Variants in DGKH observed in about 807,000 individuals in gnomAD.
The protein encoded by DGKH is diacylglycerol kinase eta, also known as DAG kinase eta.
DGKH carries 90 observed loss-of-function variants against 159.3 expected under a neutral mutation model. That is an observed-to-expected ratio of 0.57 (90% confidence interval 0.48 to 0.67). The LOEUF (loss-of-function observed/expected upper bound fraction) is 0.67, where lower values mean the gene tolerates loss of function less well. Ranked by LOEUF, DGKH falls within the 30% of genes least tolerant of loss-of-function variation. The probability of loss-of-function intolerance (pLI) is 0.00; values close to 1 mark genes in which losing one functional copy is unlikely to be tolerated. For synonymous variants in DGKH, 536 were observed against 553.8 expected, an observed-to-expected ratio of 0.97 and a Z score of 0.45; for missense variants, 1,181 against 1,506.1, an observed-to-expected ratio of 0.78 and a Z score of 3.57.
At chr13:42,227,091 C>A (rs1221921022) in intron 29 of DGKH, among the ~76,000 whole-genome samples, 1 of 152,066 alleles carries the variant, frequency 6.6e-6, no homozygotes, top group Non-Finnish European at 1.5e-5. Context: ...GAACAACATA[C>A]ACTGGGTCCT....
intron 1 of DGKH, among the ~76,000 whole-genome samples, chr13:42,073,793 A>C (rs1391619376): frequency 1.3e-5 from 2 of 152,228 alleles, no homozygotes; most frequent in African/African-American, 4.8e-5. Flanking sequence ...TCACAGAAAC[A>C]AACATAGCGG....
intron 1 of DGKH, among the ~76,000 whole-genome samples, chr13:42,096,151 A>G (rs1480342612): frequency 6.6e-6 from 1 of 151,868 alleles, no homozygotes; most frequent in Non-Finnish European, 1.5e-5. Context: ...TTACCCGGGT[A>G]TATTGTGGGA....
rs1022178309 is a variant in DGKH, at chr13:42,214,405, C to T, written c.3015-102C>T. The T allele has an allele frequency of 3.0e-5, 33 of 1,083,442 alleles. No individual in the cohort carries two copies. The African/African-American group carries it at 4.9e-4, about 16-fold the overall frequency. 67.1% of individuals were successfully genotyped at this position (1,083,442 alleles called of 1,614,324 possible). A position where few individuals can be genotyped will look rare whatever the true frequency, so the allele number is the denominator to read the frequency against. On this transcript the variant is annotated intron_variant, in intron 24 of 29. Coordinates refer to ENST00000337343, the MANE Select transcript of DGKH (RefSeq NM_178009.5). ...AAAAGTGTTCTTCCATACTGATCTTCATATATTTTTTACTTGTTTTATCCT... is the reference window on the plus strand; with the variant it reads ...AAAAGTGTTCTTCCATACTGATCTTTATATATTTTTTACTTGTTTTATCCT...
intron 1 of DGKH, among the ~76,000 whole-genome samples, chr13:42,043,049 C>A (rs1337372343): frequency 6.6e-6 from 1 of 152,134 alleles, no homozygotes; most frequent in African/African-American, 2.4e-5. Flanking sequence ...TGAAGGGACA[C>A]AAAATCCATC....
chr13:42,245,948 A>G (rs1302520038), downstream of DGKH, among the ~76,000 whole-genome samples: 2 of 152,168 alleles, frequency 1.3e-5, no homozygotes, highest in Non-Finnish European at 2.9e-5. Flanking sequence ...TTTATTTTAA[A>G]ATGCTAATTG....
At chr13:42,244,903 CAAAAAAAAAA>C (rs57184890), downstream of DGKH, among the ~76,000 whole-genome samples, 15 of 42,968 alleles carry the variant, frequency 3.5e-4, no homozygotes, top group East Asian at 5.5e-3. Context: ...GACTCCGTCT[CAAAAAAAAAA>C]AAAAAAAAAA....
At chr13:42,070,734 C>T (rs1882907090) in intron 1 of DGKH, 19 of 1,606,436 alleles carry the variant, frequency 1.2e-5, no homozygotes, top group Non-Finnish European at 1.5e-5. Context: ...AAGGGCCCTG[C>T]TCCAGCACTT....
intron 1 of DGKH, among the ~76,000 whole-genome samples, chr13:42,100,980 C>A (rs1049745197): frequency 6.6e-6 from 1 of 152,170 alleles, no homozygotes; most frequent in African/African-American, 2.4e-5. Context: ...CTGTAAGAAT[C>A]TTTTTTGCTC....
At chr13:42,247,872 T>G (rs901048516), downstream of DGKH, among the ~76,000 whole-genome samples, 1 of 152,228 alleles carries the variant, frequency 6.6e-6, no homozygotes, top group Non-Finnish European at 1.5e-5. Context: ...TTTGTATAAC[T>G]ATATGTTTGT....
intron 1 of DGKH, among the ~76,000 whole-genome samples, chr13:42,109,016 G>C (rs547518187): frequency 5.9e-5 from 9 of 152,288 alleles, no homozygotes; most frequent in African/African-American, 1.9e-4. Context: ...TGGATGGAGA[G>C]AGAACGATTA....
At chr13:42,092,525 T>C (rs980461347) in intron 1 of DGKH, among the ~76,000 whole-genome samples, 2 of 152,158 alleles carry the variant, frequency 1.3e-5, no homozygotes, top group East Asian at 3.8e-4. Context: ...TTTTCACTCA[T>C]GTGAGAGCTT....
intron 20 of DGKH, among the ~76,000 whole-genome samples, chr13:42,201,848 CAAAGTGATGATGAACTTAT>C (rs1957354477): frequency 6.6e-6 from 1 of 152,108 alleles, no homozygotes. Context: ...ACCATAACTT[CAAAGTGATGATGAACTTAT>C]ATACAAGATA....
rs1594109081 is a variant in DGKH at position 42,155,592 on chromosome 13, A to G, written c.490-75A>G. 14 of 1,599,892 alleles carry G rather than the reference A, an allele frequency of 8.8e-6. No individual in the cohort carries two copies. The East Asian group carries it at 3.1e-4, about 36-fold the overall frequency. On this transcript the variant is annotated intron_variant, in intron 4 of 29. Coordinates refer to ENST00000337343, the MANE Select transcript of DGKH (RefSeq NM_178009.5). ...GATTTGAAAATTTGACCATAACTATATGCATTCCAAACAGTTCAGCATCTG... is the reference window on the plus strand; with the variant it reads ...GATTTGAAAATTTGACCATAACTATGTGCATTCCAAACAGTTCAGCATCTG...
At chr13:42,220,136 A>G (rs1204401416) in intron 28 of DGKH, among the ~76,000 whole-genome samples, 1 of 152,216 alleles carries the variant, frequency 6.6e-6, no homozygotes, top group Non-Finnish European at 1.5e-5. Context: ...TTCTTTCTCA[A>G]CAGCAAGTCA....
intron 1 of DGKH, among the ~76,000 whole-genome samples, chr13:42,063,058 C>T (rs749373985): frequency 2.6e-5 from 4 of 151,926 alleles, no homozygotes; most frequent in Non-Finnish European, 5.9e-5. Context: ...GAGTGCATTG[C>T]AGAATATTAA....
In DGKH at chr13:42,179,301, A is replaced by G. The variant is rs575432892; in HGVS notation, c.1538+1081A>G. On this transcript the variant is annotated intron_variant, in intron 13 of 29. Coordinates refer to ENST00000337343, the MANE Select transcript of DGKH (RefSeq NM_178009.5). ...TTAATTGAAAACAATTTTCCTTACA[A>G]TCATGCAACTAAAATAAAATACAGA... Among the ~76,000 whole-genome samples the G allele has an allele frequency of 4.6e-5, 7 of 152,344 alleles. No individual in the cohort carries two copies. The East Asian group carries it at 1.2e-3, about 25-fold the overall frequency.
At chr13:42,142,383 T>C (rs1381745935) in intron 3 of DGKH, among the ~76,000 whole-genome samples, 2 of 151,392 alleles carry the variant, frequency 1.3e-5, no homozygotes, top group African/African-American at 4.8e-5. Context: ...ATGCGGGCTC[T>C]TTTTTGGTTC....
downstream of DGKH, among the ~76,000 whole-genome samples, chr13:42,246,785 G>T (rs543441190): frequency 6.6e-6 from 1 of 152,164 alleles, no homozygotes; most frequent in African/African-American, 2.4e-5. Context: ...GCAACTGAGA[G>T]GAAGGCCACA....
intron 1 of DGKH, chr13:42,069,299 C>A: frequency 9.0e-7 from 1 of 1,105,420 alleles, no homozygotes; most frequent in South Asian, 1.5e-5. Context: ...CCCCATCACT[C>A]ACAAACTGGC....
Sources: gnomAD v4.1 joint callset for allele counts (sites outside exome capture counted in the v4.1 genomes callset) on GRCh38, gnomAD v4.1.1 for gene constraint, MANE v1.5 for transcripts, NCBI Gene and HGNC (gene_info 2026-07-23, HGNC 2026-07-21) for gene names.